SNTG1: variants seen among roughly 807,000 people sequenced by gnomAD.
The protein encoded by SNTG1 is gamma-1-syntrophin.
Under a neutral mutation model 74.7 loss-of-function variants are expected in SNTG1, and 39 were observed. The ratio of observed to expected loss-of-function variants is 0.52; its 90% CI spans 0.40 to 0.68. The LOEUF (loss-of-function observed/expected upper bound fraction) is 0.68, where lower values mean the gene tolerates loss of function less well. Ranked by LOEUF, SNTG1 falls within the 30% of genes least tolerant of loss-of-function variation. SNTG1 has a pLI of 0.00. For synonymous variants in SNTG1, 254 were observed against 217.1 expected (o/e 1.17, Z -1.49); for missense variants, 685 against 609.5 (o/e 1.12, Z -1.30).
At chr8:50,539,796 C>T (rs1171969020) in intron 11 of SNTG1, among the ~76,000 whole-genome samples, 3 of 152,184 alleles carry the variant, frequency 2.0e-5, no homozygotes, top group South Asian at 4.1e-4. Context: ...CTGCTGAAAA[C>T]CTTGTGAACA....
chr8:50,361,910 A>G (rs1223686315), intron 2 of SNTG1, among the ~76,000 whole-genome samples: 1 of 152,194 alleles, frequency 6.6e-6, no homozygotes, highest in Non-Finnish European at 1.5e-5. Context: ...GTAAAAGTGT[A>G]GTAAAAATAT....
chr8:50,516,121 T>A (rs1183073495), intron 9 of SNTG1, among the ~76,000 whole-genome samples: 2 of 152,172 alleles, frequency 1.3e-5, no homozygotes, highest in Non-Finnish European at 2.9e-5. Flanking sequence ...TTTTTGCTGT[T>A]CTGCAGACTC....
intron 2 of SNTG1, among the ~76,000 whole-genome samples, chr8:50,339,014 G>C (rs2091237844): frequency 6.6e-6 from 1 of 151,868 alleles, no homozygotes; most frequent in Non-Finnish European, 1.5e-5. Context: ...TTTTATAGAA[G>C]CTGCAGAAAA....
chr8:50,456,009 G>A (rs975553664), intron 8 of SNTG1, among the ~76,000 whole-genome samples: 3 of 152,084 alleles, frequency 2.0e-5, no homozygotes, highest in African/African-American at 7.2e-5. Context: ...TCAGTGCTCT[G>A]GGAAATGTTT....
chr8:49,944,930 T>C (rs1809037649), intron 1 of SNTG1, among the ~76,000 whole-genome samples: 1 of 151,952 alleles, frequency 6.6e-6, no homozygotes, highest in Non-Finnish European at 1.5e-5. Context: ...TGGGACTACA[T>C]GCGCCCACCA....
intron 2 of SNTG1, among the ~76,000 whole-genome samples, chr8:50,265,453 G>A (rs764170041): frequency 6.6e-6 from 1 of 152,014 alleles, no homozygotes; most frequent in African/African-American, 2.4e-5. Flanking sequence ...CAGGAGACTG[G>A]ACATAGAAAA....
chr8:50,249,461 C>A (rs963250466), intron 2 of SNTG1, among the ~76,000 whole-genome samples: 9 of 152,212 alleles, frequency 5.9e-5, no homozygotes, highest in African/African-American at 1.9e-4. Flanking sequence ...CTGCCCCTAG[C>A]TTGACAGCTT....
chr8:50,594,330 A>C (rs1407598008), intron 13 of SNTG1, among the ~76,000 whole-genome samples: 1 of 152,140 alleles, frequency 6.6e-6, no homozygotes, highest in East Asian at 1.9e-4. Context: ...CTCCCACAAA[A>C]ATATCATTTT....
At chr8:50,103,215 T>G (rs1258117094) in intron 1 of SNTG1, among the ~76,000 whole-genome samples, 1 of 152,238 alleles carries the variant, frequency 6.6e-6, no homozygotes, top group Non-Finnish European at 1.5e-5. Context: ...TTCCATTTCT[T>G]TGTATCCTCT....
intron 13 of SNTG1, among the ~76,000 whole-genome samples, chr8:50,611,752 G>GT (rs2094851439): frequency 6.6e-6 from 1 of 151,998 alleles, no homozygotes; most frequent in South Asian, 2.1e-4. Flanking sequence ...GAGAGACTCC[G>GT]TTTTTTAAAT....
At chr8:49,955,008 C>T (rs970728417) in intron 1 of SNTG1, among the ~76,000 whole-genome samples, 1 of 152,088 alleles carries the variant, frequency 6.6e-6, no homozygotes, top group Non-Finnish European at 1.5e-5. Context: ...TGAAGTGTTT[C>T]CATGAACATC....
intron 2 of SNTG1, among the ~76,000 whole-genome samples, chr8:50,266,680 G>GTATA (rs1247350057): frequency 1.4e-3 from 192 of 136,790 alleles, no homozygotes; most frequent in African/African-American, 5.0e-3. Flanking sequence ...GTGTGTGTGT[G>GTATA]TGTGTATATA....
intron 3 of SNTG1, 96 bp from the exon 4 acceptor site, chr8:50,402,114 G>A: frequency 7.9e-7 from 1 of 1,263,940 alleles, no homozygotes; most frequent in Non-Finnish European, 1.1e-6. Context: ...CCTCTTAAAT[G>A]TTATTCACCA....
chr8:50,561,268 T>G (rs1217675492), intron 12 of SNTG1, among the ~76,000 whole-genome samples: 1 of 152,182 alleles, frequency 6.6e-6, no homozygotes, highest in Non-Finnish European at 1.5e-5. Flanking sequence ...ACCATGATTG[T>G]AAGTTTCCTG....
At chr8:50,138,261 G>GA (rs553245273) in intron 1 of SNTG1, among the ~76,000 whole-genome samples, 47 of 148,720 alleles carry the variant, frequency 3.2e-4, no homozygotes, top group African/African-American at 6.4e-4. Context: ...TGTCTGTTCA[G>GA]AAAAAAAAAC....
At chr8:50,735,326 A>G (rs7013183) in intron 17 of SNTG1, among the ~76,000 whole-genome samples, 56,152 of 151,418 alleles carry the variant, frequency 0.37, 12,014 homozygotes, top group African/African-American at 0.59. Flanking sequence ...AACTCCTCCA[A>G]TCTAAAGGAG....
At chr8:49,949,072 G>C (rs542817386) in intron 1 of SNTG1, among the ~76,000 whole-genome samples, 1 of 152,266 alleles carries the variant, frequency 6.6e-6, no homozygotes, top group South Asian at 2.1e-4. Flanking sequence ...TTCTTTCCTT[G>C]TTCTCACACT....
chr8:50,322,376 C>CT (rs2090566037), intron 2 of SNTG1, among the ~76,000 whole-genome samples: 1 of 152,098 alleles, frequency 6.6e-6, no homozygotes, highest in African/African-American at 2.4e-5. Context: ...ATCTAAAAGG[C>CT]TTCCACTGGG....
chr8:50,483,505 G>C (rs1000026748), intron 8 of SNTG1, among the ~76,000 whole-genome samples: 1 of 151,942 alleles, frequency 6.6e-6, no homozygotes, highest in Non-Finnish European at 1.5e-5. Context: ...GAAAGTGCTA[G>C]CACAGCTCAC....
Sources: allele counts gnomAD v4.1 joint callset (sites outside exome capture counted in the v4.1 genomes callset), GRCh38; gene constraint gnomAD v4.1.1; transcripts MANE v1.5; gene names NCBI Gene and HGNC (gene_info 2026-07-23, HGNC 2026-07-21).